PCDH15: variants seen among roughly 807,000 people sequenced by gnomAD.
PCDH15 encodes the protein protocadherin-15.
A neutral mutation model predicts 178.5 loss-of-function variants in PCDH15; 129 were observed. That is an observed-to-expected ratio of 0.72 (90% CI 0.63 to 0.84). PCDH15 has a LOEUF of 0.84. Ranked by LOEUF, PCDH15 falls within the 40% of genes least tolerant of loss-of-function variation. PCDH15 has a pLI of 0.00. For missense variants in PCDH15, 2,230 were observed against 2,099.9 expected (o/e 1.06, Z -1.21); for synonymous variants, 800 against 732.0 (o/e 1.09, Z -1.50).
intron 2 of PCDH15, among the ~76,000 whole-genome samples, chr10:55,441,012 A>G (rs980053432): frequency 7.9e-5 from 12 of 152,156 alleles, no homozygotes; most frequent in Non-Finnish European, 1.8e-4. Flanking sequence ...CCCTCCACAC[A>G]ACATATGGGA....
intron 26 of PCDH15, among the ~76,000 whole-genome samples, chr10:53,890,875 C>T (rs1439122211): frequency 6.6e-6 from 1 of 152,146 alleles, no homozygotes; most frequent in Non-Finnish European, 1.5e-5. Context: ...AAATCTCTCT[C>T]CAGGCCTGCG....
At chr10:54,683,359 C>T (rs936739216) in intron 1 of PCDH15, among the ~76,000 whole-genome samples, 5 of 152,004 alleles carry the variant, frequency 3.3e-5, no homozygotes, top group Non-Finnish European at 7.4e-5. Flanking sequence ...CCCTGCTCCC[C>T]GCCCCTGGTA....
At chr10:54,680,603 G>A (rs1217965549) in intron 1 of PCDH15, among the ~76,000 whole-genome samples, 3 of 152,146 alleles carry the variant, frequency 2.0e-5, no homozygotes, top group Admixed American at 6.5e-5. Context: ...CATGTGTCAA[G>A]GGTGGGGCCA....
chr10:54,343,124 A>T (rs556912435), intron 6 of PCDH15, among the ~76,000 whole-genome samples: 1 of 152,296 alleles, frequency 6.6e-6, no homozygotes, highest in African/African-American at 2.4e-5. Flanking sequence ...AAATGTCAAA[A>T]GGACAAGAGA....
intron 3 of PCDH15, among the ~76,000 whole-genome samples, chr10:54,403,458 C>T (rs532276134): frequency 6.6e-6 from 1 of 152,022 alleles, no homozygotes; most frequent in African/African-American, 2.4e-5. Flanking sequence ...CTAATAAGAG[C>T]CATATATGAA....
intron 6 of PCDH15, among the ~76,000 whole-genome samples, chr10:54,334,580 A>G (rs1004031604): frequency 6.6e-6 from 1 of 152,164 alleles, no homozygotes; most frequent in Non-Finnish European, 1.5e-5. Flanking sequence ...AAAGAGGGAA[A>G]GACTCCAGCC....
chr10:54,179,746 C>T (rs1347672898), intron 13 of PCDH15, among the ~76,000 whole-genome samples: 6 of 152,112 alleles, frequency 3.9e-5, no homozygotes, highest in African/African-American at 1.4e-4. Flanking sequence ...TAAATACAAA[C>T]ATCTTAGAAT....
intron 13 of PCDH15, among the ~76,000 whole-genome samples, chr10:54,182,598 G>C (rs975464776): frequency 1.3e-5 from 2 of 151,424 alleles, no homozygotes; most frequent in Non-Finnish European, 2.9e-5. Context: ...GATAAATCAG[G>C]AATAAAGATG....
chr10:54,140,771 C>G (rs1379918270), intron 14 of PCDH15, among the ~76,000 whole-genome samples: 1 of 152,068 alleles, frequency 6.6e-6, no homozygotes, highest in Non-Finnish European at 1.5e-5. Context: ...CAACCTCCAC[C>G]TCCCAGGTTC....
intron 2 of PCDH15, among the ~76,000 whole-genome samples, chr10:55,350,250 TATATATATATATATATATACACAC>T (rs977164519): frequency 4.7e-5 from 3 of 64,170 alleles, no homozygotes; most frequent in African/African-American, 2.3e-4. Context: ...TATATATATA[TATATATATATATATATATACACAC>T]ACACACACAC....
intron 2 of PCDH15, among the ~76,000 whole-genome samples, chr10:55,433,844 T>C (rs1181242862): frequency 1.3e-5 from 2 of 152,066 alleles, no homozygotes; most frequent in Non-Finnish European, 2.9e-5. Flanking sequence ...ATTTTGCTCA[T>C]ATGTACAACC....
intron 15 of PCDH15, among the ~76,000 whole-genome samples, chr10:54,091,173 G>T (rs1209199743): frequency 6.6e-6 from 1 of 152,132 alleles, no homozygotes; most frequent in Admixed American, 6.5e-5. Context: ...TAAAAGACAT[G>T]GATAAAGAAA....
intron 3 of PCDH15, among the ~76,000 whole-genome samples, chr10:54,858,812 T>C (rs1452402966): frequency 6.6e-6 from 1 of 152,108 alleles, no homozygotes; most frequent in East Asian, 1.9e-4. Context: ...GTGTGGTGAA[T>C]GGCATGACAT....
At chr10:54,367,580 C>T (rs1946993055) in intron 5 of PCDH15, among the ~76,000 whole-genome samples, 1 of 151,862 alleles carries the variant, frequency 6.6e-6, no homozygotes, top group African/African-American at 2.4e-5. Flanking sequence ...ACCACATGTC[C>T]TCACTCATAA....
chr10:54,466,867 G>T (rs972905244), intron 3 of PCDH15, among the ~76,000 whole-genome samples: 1 of 151,822 alleles, frequency 6.6e-6, no homozygotes, highest in Admixed American at 6.6e-5. Context: ...CCTTGTAGAA[G>T]TATTTCAGCT....
intron 28 of PCDH15, among the ~76,000 whole-genome samples, chr10:53,844,517 A>G (rs2077853395): frequency 6.6e-6 from 1 of 151,958 alleles, no homozygotes; most frequent in South Asian, 2.1e-4. Flanking sequence ...AAAACATGAT[A>G]TGACCATAAA....
rs374427938 is a variant in PCDH15 at position 54,347,846 on chromosome 10, A to ATTATTTATTTATTTATTTAT, written c.475-1363_475-1362insATAAATAAATAAATAAATAA. ...ATGCTAAGATTGACAACAGATTTTT[A>ATTATTTATTTATTTATTTAT]TTATTTATTTATTTATTTTTGAGAT... On this transcript the variant is annotated intron_variant, in intron 5 of 37. Transcript: ENST00000644397. 5.7e-3 allele frequency among the ~76,000 whole-genome samples: 871 copies of ATTATTTATTTATTTATTTAT among 151,646 alleles called. 12 individuals carry two copies. Among genetic ancestry groups the ATTATTTATTTATTTATTTAT allele is most frequent in the African/African-American group, 0.02 (824 of 41,114 alleles).
intron 5 of PCDH15, among the ~76,000 whole-genome samples, chr10:54,366,956 C>T (rs1192836107): frequency 6.6e-6 from 1 of 152,050 alleles, no homozygotes; most frequent in South Asian, 2.1e-4. Flanking sequence ...AAGATCAAAT[C>T]TTTACCTTTC....
At chr10:54,492,723 T>A (rs895862723) in intron 3 of PCDH15, among the ~76,000 whole-genome samples, 10 of 152,282 alleles carry the variant, frequency 6.6e-5, no homozygotes, top group African/African-American at 2.4e-4. Context: ...TACATTCACA[T>A]AACTTTTATT....
Sources: gnomAD v4.1 joint callset for allele counts (sites outside exome capture counted in the v4.1 genomes callset) on GRCh38, gnomAD v4.1.1 for gene constraint, MANE v1.5 for transcripts, NCBI Gene and HGNC (gene_info 2026-07-23, HGNC 2026-07-21) for gene names.